The following CDYL variants were observed in gnomAD, a reference collection of about 807,000 sequenced individuals.
The protein encoded by CDYL is chromodomain Y like, also known as chromodomain Y-like protein.
Under a neutral mutation model 47.3 loss-of-function variants are expected in CDYL, and 8 were observed. The observed-to-expected ratio is 0.17, with a 90% CI of 0.10 to 0.31. The LOEUF (loss-of-function observed/expected upper bound fraction) is 0.31. CDYL is among the 10% of genes least tolerant of loss of function. The pLI is 1.00. For missense variants in CDYL, 471 were observed against 701.4 expected (o/e 0.67, Z 3.71); for synonymous variants, 266 against 265.0 (o/e 1.00, Z -0.04).
At chr6:4,761,160 A>T (rs188530635) in intron 3 of CDYL, among the ~76,000 whole-genome samples, 1 of 152,338 alleles carries the variant, frequency 6.6e-6, no homozygotes, top group African/African-American at 2.4e-5. Flanking sequence ...CCTGAGAGCC[A>T]GTTGAGATAA....
Position 4,814,306 on chromosome 6 carries a change from G to C in CDYL, c.24+37499G>C, listed in dbSNP as rs562228514. On this transcript the variant is annotated intron_variant, in intron 1 of 6. Coordinates refer to ENST00000397588, the MANE Select transcript of CDYL (RefSeq NM_004824.4). Reference sequence around the variant, plus strand: ...ATTTTTATGTTAGTTAATTATTTTAGAGTTGAAATCATGAGAGGGGAAAAA... The same window carrying C: ...ATTTTTATGTTAGTTAATTATTTTACAGTTGAAATCATGAGAGGGGAAAAA... Among the ~76,000 whole-genome samples, 5 of 152,184 alleles carry C rather than the reference G, an allele frequency of 3.3e-5. No homozygotes were observed. The South Asian group carries it at 1.0e-3, about 32-fold the overall frequency.
At chr6:4,902,167 G>C (rs1450876697) in intron 2 of CDYL, among the ~76,000 whole-genome samples, 1 of 152,058 alleles carries the variant, frequency 6.6e-6, no homozygotes, top group Non-Finnish European at 1.5e-5. Flanking sequence ...GGGAGGCCAA[G>C]GTGAGTGGAT....
intron 2 of CDYL, among the ~76,000 whole-genome samples, chr6:4,931,808 C>G (rs1347619919): frequency 5.3e-5 from 8 of 152,196 alleles, no homozygotes; most frequent in Admixed American, 4.6e-4. Flanking sequence ...GGAGCCAACA[C>G]AGTTTTAACT....
intron 3 of CDYL, among the ~76,000 whole-genome samples, chr6:4,752,836 A>ATGTGTG (rs35686534): frequency 2.1e-4 from 31 of 148,856 alleles, no homozygotes; most frequent in African/African-American, 3.7e-4. Context: ...AAGGAAAATA[A>ATGTGTG]TGTGTGTGTG....
At chr6:4,859,729 G>A (rs940400981) in intron 1 of CDYL, among the ~76,000 whole-genome samples, 3 of 152,096 alleles carry the variant, frequency 2.0e-5, no homozygotes, top group African/African-American at 7.2e-5. Context: ...GATGTTTGGT[G>A]AATAAGGGCA....
intron 1 of CDYL, among the ~76,000 whole-genome samples, chr6:4,835,008 C>T (rs1252567162): frequency 4.6e-5 from 7 of 151,998 alleles, no homozygotes; most frequent in Admixed American, 4.6e-4. Context: ...ACTTCTTTGC[C>T]TTTGGTTTGA....
At chr6:4,832,664 C>T (rs1160929840) in intron 1 of CDYL, among the ~76,000 whole-genome samples, 7 of 150,042 alleles carry the variant, frequency 4.7e-5, no homozygotes, top group African/African-American at 1.7e-4. Flanking sequence ...CCAGTTCCTC[C>T]TTGTACCTCT....
rs967860118 is a variant in CDYL at position 4,794,812 on chromosome 6, G to A, written c.24+18005G>A. Among the ~76,000 whole-genome samples the A allele has an allele frequency of 8.5e-5, 13 of 152,146 alleles. No individual in the cohort carries two copies. In the East Asian group the frequency reaches 2.5e-3, roughly 29 times the overall value. On this transcript the variant is annotated intron_variant, in intron 1 of 6. Transcript: ENST00000397588. ...TGTTGTTGGTCTCGTTGATGGAAAA[G>A]CAGTTGGTTAATGCCAGTACATAGA...
At chr6:4,924,122 A>G (rs1201376740) in intron 2 of CDYL, among the ~76,000 whole-genome samples, 1 of 152,158 alleles carries the variant, frequency 6.6e-6, no homozygotes, top group Non-Finnish European at 1.5e-5. Context: ...GGAAAATATA[A>G]TTAATTATCT....
intron 2 of CDYL, among the ~76,000 whole-genome samples, chr6:4,927,428 C>CTTGTGTGTGTGTGT (rs1554108575): frequency 7.0e-6 from 1 of 142,458 alleles, no homozygotes; most frequent in African/African-American, 2.7e-5. Context: ...ATTTACTGTA[C>CTTGTGTGTGTGTGT]GTGTGTGTGT....
At chr6:4,863,119 A>G (rs115629975) in intron 1 of CDYL, among the ~76,000 whole-genome samples, 1,897 of 152,292 alleles carry the variant, frequency 0.012, 41 homozygotes, top group African/African-American at 0.043. Flanking sequence ...CAAATACCAC[A>G]TTTTCACTTA....
At position 4,786,024 on chromosome 6, in the gene CDYL, G is replaced by C. The variant is rs1000035173; in HGVS notation, c.24+9217G>C. ...CTATCAAGAAGAGTTTTTAAAAAGT[G>C]TTGCTATGTAAGTGTAAGCGAAAAA... On this transcript the variant is annotated intron_variant, in intron 1 of 6. Coordinates refer to ENST00000397588, the MANE Select transcript of CDYL (RefSeq NM_004824.4). Among the ~76,000 whole-genome samples, 6 of 152,304 alleles carry C rather than the reference G, an allele frequency of 3.9e-5. No individual in the cohort carries two copies. In the South Asian group the frequency reaches 6.2e-4, roughly 16 times the overall value.
chr6:4,882,896 C>T (rs1169499609), intron 1 of CDYL, among the ~76,000 whole-genome samples: 1 of 152,104 alleles, frequency 6.6e-6, no homozygotes, highest in Non-Finnish European at 1.5e-5. Flanking sequence ...GAAATTTAAC[C>T]CAAACAAGTT....
chr6:4,848,496 C>A (rs1437269382), intron 1 of CDYL, among the ~76,000 whole-genome samples: 1 of 152,190 alleles, frequency 6.6e-6, no homozygotes, highest in African/African-American at 2.4e-5. Context: ...ACAAATGCAT[C>A]AATGACCAGG....
chr6:4,736,946 G>A (rs1012586399), intron 3 of CDYL, among the ~76,000 whole-genome samples: 1 of 152,106 alleles, frequency 6.6e-6, no homozygotes, highest in Non-Finnish European at 1.5e-5. Flanking sequence ...ATGACAGAAC[G>A]AGTTCCCTAA....
intron 1 of CDYL, among the ~76,000 whole-genome samples, chr6:4,713,002 A>C (rs995816714): frequency 1.3e-5 from 2 of 152,036 alleles, no homozygotes; most frequent in Admixed American, 6.5e-5. Context: ...AAAATTAGCG[A>C]GGTGTGGTGG....
At chr6:4,801,548 T>C (rs967750791) in intron 1 of CDYL, among the ~76,000 whole-genome samples, 5 of 152,232 alleles carry the variant, frequency 3.3e-5, no homozygotes, top group African/African-American at 1.2e-4. Flanking sequence ...ACACACTTTG[T>C]TTTTCCTGTG....
intron 1 of CDYL, among the ~76,000 whole-genome samples, chr6:4,863,129 A>G (rs1323914026): frequency 1.3e-5 from 2 of 152,236 alleles, no homozygotes; most frequent in East Asian, 1.9e-4. Context: ...ATTTTCACTT[A>G]TAAGTGGGAA....
chr6:4,748,729 C>G (rs1757939335), intron 3 of CDYL, among the ~76,000 whole-genome samples: 1 of 151,486 alleles, frequency 6.6e-6, no homozygotes, highest in Non-Finnish European at 1.5e-5. Flanking sequence ...TCTTGGCAAA[C>G]TGTAAAACTA....
Sources: gnomAD v4.1 joint callset for allele counts (sites outside exome capture counted in the v4.1 genomes callset) on GRCh38, gnomAD v4.1.1 for gene constraint, MANE v1.5 for transcripts, NCBI Gene and HGNC (gene_info 2026-07-23, HGNC 2026-07-21) for gene names.